The following C4orf50 variants were observed in gnomAD, a reference collection of about 807,000 sequenced individuals.
C4orf50 encodes the protein uncharacterized protein C4orf50.
A neutral mutation model predicts 77.2 loss-of-function variants in C4orf50; 80 were observed. The ratio of observed to expected loss-of-function variants is 1.04; its 90% CI spans 0.87 to 1.25. C4orf50 has a LOEUF of 1.25. Among genes scored for constraint, C4orf50 ranks in the 50% most tolerant of loss-of-function variants. C4orf50 has a pLI of 0.00. For synonymous variants in C4orf50, 532 were observed against 465.3 expected (o/e 1.14, Z -1.84); for missense variants, 1,257 against 1,152.9 (o/e 1.09, Z -1.31).
At chr4:5,898,121 A>G (rs1716204445) in exon 8 of C4orf50, 1 of 152,236 alleles carries the variant, frequency 6.6e-6, no homozygotes, top group East Asian at 1.9e-4. Context: ...CACAGCTTTC[A>G]TGTGATTTCT....
At chr4:5,947,493 C>T (rs1027118093) in intron 7 of C4orf50, among the ~76,000 whole-genome samples, 1 of 152,206 alleles carries the variant, frequency 6.6e-6, no homozygotes, top group Non-Finnish European at 1.5e-5. Context: ...AGAAATAATT[C>T]TGGCAACCAG....
exon 8 of C4orf50, chr4:5,898,022 G>C (rs1220233587): frequency 1.3e-5 from 2 of 152,256 alleles, no homozygotes; most frequent in African/African-American, 4.8e-5. Context: ...AGGAGACCTT[G>C]TAGATTCATG....
At chr4:5,914,015 C>T (rs1335899907) in intron 7 of C4orf50, among the ~76,000 whole-genome samples, 2 of 151,970 alleles carry the variant, frequency 1.3e-5, no homozygotes, top group Non-Finnish European at 2.9e-5. Context: ...AAGGTTCATG[C>T]TATGTAATCA....
chr4:5,984,768 C>A (rs575681974), intron 28 of C4orf50, among the ~76,000 whole-genome samples: 6 of 150,640 alleles, frequency 4.0e-5, no homozygotes, highest in Non-Finnish European at 7.4e-5. Context: ...AAAAATAGAA[C>A]AGAATGAAAT....
rs1196450049 is a variant in C4orf50 at position 5,958,107 on chromosome 4, C to T, written c.*1268G>A. The stretch of plus-strand genomic sequence containing the variant: ...GGACAGGTAGCGGCTTTGGCCTTTC[C>T]CTTAAGCCCCTCCTCAGCCCCTTCC... On this transcript the variant is annotated 3_prime_UTR_variant, in exon 34 of 34. Transcript: ENST00000531445. This position sits in a 1 kb window ranked among gnomAD's most constrained non-coding sequence, Gnocchi z 5.4. 1.3e-5 allele frequency: 2 copies of T among 152,330 alleles called. No homozygotes were observed. The highest frequency in any genetic ancestry group is 2.9e-5 in the Non-Finnish European group (2 of 68,156). The allele number at this position is 152,330 out of a possible 1,614,324, so 9.4% of individuals were successfully genotyped here.
rs1292256013 is a variant in C4orf50, at chr4:6,008,263, G to C, written c.696C>G (p.Gly232=). Residue 232 remains glycine (G), a synonymous_variant, in exon 25 of 34, where the codon GGC becomes GGG. Coordinates refer to ENST00000531445, the Ensembl canonical transcript of C4orf50. This position sits in a 1 kb window ranked among gnomAD's most constrained non-coding sequence, Gnocchi z 6.0. ...GCAGTTCCGCAGCCGCCTCGGTGGCGCCCTGGGAGCCTGGGGCCGCGGTGT... is the reference window on the plus strand; with the variant it reads ...GCAGTTCCGCAGCCGCCTCGGTGGCCCCCTGGGAGCCTGGGGCCGCGGTGT... 2.5e-6 allele frequency: 1 copy of C among 392,966 alleles called. No individual in the cohort carries two copies. Among genetic ancestry groups the C allele is most frequent in the Non-Finnish European group, 4.5e-6 (1 of 222,592 alleles). The allele number at this position is 392,966 out of a possible 1,614,324, so 24.3% of individuals were successfully genotyped here.
chr4:5,973,638 G>A (rs1480213231), intron 31 of C4orf50, 21 bp downstream of exon 9: 18 of 1,594,606 alleles, frequency 1.1e-5, no homozygotes, highest in Non-Finnish European at 1.5e-5. Context: ...AGCACAGACA[G>A]GGCCATCTCT....
chr4:5,984,634 G>C (rs1720765335), intron 28 of C4orf50, among the ~76,000 whole-genome samples: 4 of 152,126 alleles, frequency 2.6e-5, no homozygotes, highest in Admixed American at 2.6e-4. Context: ...TACAGGATTA[G>C]TGAACTAAAA....
At chr4:5,949,866 G>A (rs1423385274) in intron 7 of C4orf50, among the ~76,000 whole-genome samples, 1 of 151,848 alleles carries the variant, frequency 6.6e-6, no homozygotes, top group Admixed American at 6.6e-5. Flanking sequence ...GCGGGTGCCT[G>A]TAATCCCAGC....
chr4:5,952,457 T>G (rs555133115), downstream of C4orf50, among the ~76,000 whole-genome samples: 7 of 152,288 alleles, frequency 4.6e-5, no homozygotes, highest in Admixed American at 2.0e-4. This position sits in a 1 kb window ranked among gnomAD's most constrained non-coding sequence, Gnocchi z 4.4. Context: ...GCGAAGCGCA[T>G]GAGCACTGAC....
In C4orf50 at chr4:5,959,646, G is replaced by A. The variant is rs1311225414; in HGVS notation, c.4276-20C>T. ...AGGGAGCTGCAGGCAAGAGGACAAT[G>A]AAATGGTCTCTGCGTCCACATGTTT... On this transcript the variant is annotated intron_variant, in intron 33 of 33. Coordinates refer to ENST00000531445, the Ensembl canonical transcript of C4orf50. The A allele has an allele frequency of 3.7e-6, 6 of 1,602,746 alleles. No individual in the cohort carries two copies. The highest frequency in any genetic ancestry group is 5.1e-6 in the Non-Finnish European group (6 of 1,172,048).
downstream of C4orf50, among the ~76,000 whole-genome samples, chr4:5,955,567 G>A (rs1384394722): frequency 1.3e-5 from 2 of 152,210 alleles, no homozygotes; most frequent in Non-Finnish European, 2.9e-5. This position sits in a 1 kb window ranked among gnomAD's most constrained non-coding sequence, Gnocchi z 5.1. Flanking sequence ...CACAGCTGCC[G>A]CGTGGTGGAT....
At position 5,932,940 on chromosome 4, in the gene C4orf50, T is replaced by A. The variant is rs564348958; in HGVS notation, c.*2474+23961A>T. On this transcript the variant is annotated intron_variant, in intron 7 of 7. Transcript: ENST00000324058. The surrounding 1 kb of genome is among the most constrained non-coding windows in gnomAD (Gnocchi z 4.2). The stretch of plus-strand genomic sequence containing the variant: ...TGGCATACAGCAGCCACTCAATAAA[T>A]GGCGGAAACCATATTATCATTAATA... Among the ~76,000 whole-genome samples, 1 of 152,212 alleles carries A rather than the reference T, an allele frequency of 6.6e-6. No individual in the cohort carries two copies. The highest frequency in any genetic ancestry group is 2.4e-5 in the African/African-American group (1 of 41,448).
intron 25 of C4orf50, among the ~76,000 whole-genome samples, chr4:5,995,144 C>T (rs946473971): frequency 2.0e-5 from 3 of 151,998 alleles, no homozygotes; most frequent in African/African-American, 4.8e-5. Context: ...TCCACCCTTC[C>T]TGTGCAGAGG....
In C4orf50 at chr4:5,931,035, G is replaced by A. The variant is rs374047395; in HGVS notation, c.*2474+25866C>T. Among the ~76,000 whole-genome samples, 4 of 152,362 alleles carry A rather than the reference G, an allele frequency of 2.6e-5. No individual in the cohort carries two copies. The South Asian group carries it at 8.3e-4, about 32-fold the overall frequency. On this transcript the variant is annotated intron_variant, in intron 7 of 7. Transcript: ENST00000324058. ...TCCAGCTGGCAAAGCTCACATGAAA[G>A]TGGGAGAGCCTAAATCTGTCCCAGT... is the stretch of plus-strand genomic sequence containing the variant.
chr4:6,003,612 ATGGTGATGG>A (rs796507851), intron 25 of C4orf50, among the ~76,000 whole-genome samples: 4,077 of 80,940 alleles, frequency 0.05, 198 homozygotes, highest in African/African-American at 0.16. Context: ...GATGGTGATG[ATGGTGATGG>A]TGGTGATGAC....
chr4:5,942,829 C>T (rs1193429352), intron 7 of C4orf50, among the ~76,000 whole-genome samples: 1 of 152,160 alleles, frequency 6.6e-6, no homozygotes, highest in Admixed American at 6.5e-5. Context: ...CTTTAAATAT[C>T]ATCACATACA....
At chr4:5,961,264 G>A (rs920392258) in intron 33 of C4orf50, among the ~76,000 whole-genome samples, 5 of 152,188 alleles carry the variant, frequency 3.3e-5, no homozygotes, top group East Asian at 1.9e-4. Flanking sequence ...GCAGTGAGCC[G>A]AGATCGTGCC....
rs1057231178 is a variant in C4orf50 at position 5,958,359 on chromosome 4, C to T, written c.*1016G>A. The T allele has an allele frequency of 3.9e-5, 6 of 152,228 alleles. No individual in the cohort carries two copies. The highest frequency in any genetic ancestry group is 2.0e-4 in the Admixed American group (3 of 15,284). 9.4% of individuals were successfully genotyped at this position (152,228 alleles called of 1,614,324 possible). On this transcript the variant is annotated 3_prime_UTR_variant, in exon 34 of 34. Coordinates refer to ENST00000531445, the Ensembl canonical transcript of C4orf50. This position sits in a 1 kb window ranked among gnomAD's most constrained non-coding sequence, Gnocchi z 5.4. ...TTGCAGCTGGCTTGACAAGAGCATG[C>T]TTTGCCCACTTCCCCTCCAGGGGCA...
Sources: gnomAD v4.1 joint callset for allele counts (sites outside exome capture counted in the v4.1 genomes callset) on GRCh38, gnomAD v4.1.1 for gene constraint, Gnocchi (gnomAD v3.1) non-coding constraint, MANE v1.5 for transcripts, NCBI Gene and HGNC (gene_info 2026-07-23, HGNC 2026-07-21) for gene names.